Variants in GRIP2 observed in about 807,000 individuals in gnomAD.
GRIP2 encodes the protein glutamate receptor-interacting protein 2.
Under a neutral mutation model 108.3 loss-of-function variants are expected in GRIP2, and 58 were observed. The observed-to-expected ratio is 0.54, with a 90% confidence interval of 0.43 to 0.67. The LOEUF (loss-of-function observed/expected upper bound fraction) is 0.67. Ranked by LOEUF, GRIP2 falls within the 30% of genes least tolerant of loss-of-function variation. GRIP2 has a pLI of 0.00. For missense variants in GRIP2, 1,278 were observed against 1,430.6 expected, an observed-to-expected ratio of 0.89 and a Z score of 1.72; for synonymous variants, 586 against 598.2, an observed-to-expected ratio of 0.98 and a Z score of 0.30.
the GRIP2 span, among the ~76,000 whole-genome samples, chr3:14,590,134 C>T: frequency 6.6e-6 from 1 of 152,186 alleles, no homozygotes; most frequent in Admixed American, 6.5e-5. Context: ...ATTGATATTG[C>T]ATGTGGCTTT....
intron 5 of GRIP2, 150 bp downstream of exon 5, chr3:14,523,462 C>T (rs1694467663): frequency 1.6e-6 from 1 of 624,790 alleles, no homozygotes; most frequent in Non-Finnish European, 2.9e-6. Flanking sequence ...GCAGATTTTC[C>T]CACTGAATAC....
intron 10 of GRIP2, among the ~76,000 whole-genome samples, chr3:14,517,516 T>TAG (rs1694285630): frequency 7.7e-6 from 1 of 129,724 alleles, no homozygotes; most frequent in South Asian, 2.5e-4. Flanking sequence ...TTTTTTTTTT[T>TAG]TTTTAGTTGA....
chr3:14,502,240 C>T (rs1336458363), intron 21 of GRIP2, among the ~76,000 whole-genome samples: 5 of 152,116 alleles, frequency 3.3e-5, no homozygotes, highest in Non-Finnish European at 5.9e-5. Flanking sequence ...ACTCTGTAAT[C>T]CCAGCACTTT....
intron 1 of GRIP2, among the ~76,000 whole-genome samples, chr3:14,526,430 G>A (rs1036533548): frequency 6.6e-6 from 1 of 152,144 alleles, no homozygotes; most frequent in Admixed American, 6.5e-5. Context: ...AGACAGCTCT[G>A]ACCGAGACGA....
the GRIP2 span, among the ~76,000 whole-genome samples, chr3:14,585,457 C>T: frequency 1.1e-4 from 17 of 152,388 alleles, no homozygotes; most frequent in South Asian, 2.9e-3. Context: ...GCCCATTTCA[C>T]ACGTAAAGGG....
intron 1 of GRIP2, among the ~76,000 whole-genome samples, chr3:14,553,664 A>G (rs753710747): frequency 3.3e-5 from 5 of 152,210 alleles, no homozygotes; most frequent in Non-Finnish European, 5.9e-5. Context: ...CCCAGAAAAG[A>G]TGAGCAACAG....
upstream of GRIP2, among the ~76,000 whole-genome samples, chr3:14,543,071 G>GTCCACGAAGGAAAAAGCCATTGCAC (rs1695002634): frequency 6.6e-6 from 1 of 152,194 alleles, no homozygotes; most frequent in Non-Finnish European, 1.5e-5. Flanking sequence ...GAAGGAGTTT[G>GTCCACGAAGGAAAAAGCCATTGCAC]TCCACGAAGG....
chr3:14,539,682 T>C (rs1270715987), intron 1 of GRIP2, among the ~76,000 whole-genome samples: 5 of 152,254 alleles, frequency 3.3e-5, no homozygotes, highest in African/African-American at 9.6e-5. Context: ...AACAATCGTG[T>C]CTGCCCCTCC....
Position 14,511,914 on chromosome 3 carries a change from A to G in GRIP2, c.1721-435T>C, listed in dbSNP as rs1026632205. On this transcript the variant is annotated intron_variant, in intron 14 of 23. Transcript: ENST00000621039. This position sits in a 1 kb window ranked among gnomAD's most constrained non-coding sequence, Gnocchi z 4.1. ...GGGTGGGAGACACAGAAGTGAACAA[A>G]ACAGACAGCAATCTCTCCCTGCCCT... Among the ~76,000 whole-genome samples, 1 of 152,196 alleles carries G rather than the reference A, an allele frequency of 6.6e-6. No homozygotes were observed. Among genetic ancestry groups the G allele is most frequent in the Non-Finnish European group, 1.5e-5 (1 of 68,026 alleles).
intron 8 of GRIP2, 50 bp downstream of exon 8, chr3:14,520,340 C>T (rs367822596): frequency 4.6e-5 from 74 of 1,610,478 alleles, no homozygotes; most frequent in Non-Finnish European, 5.9e-5. Flanking sequence ...TCTGGGCCGC[C>T]TCTCCCCTGC....
intron 1 of GRIP2, among the ~76,000 whole-genome samples, chr3:14,535,038 A>G (rs901256230): frequency 6.1e-4 from 93 of 152,162 alleles, no homozygotes; most frequent in African/African-American, 2.1e-3. Context: ...CCACTGAGAA[A>G]ACAAATGCCC....
At chr3:14,503,542 G>A (rs746958472) in intron 21 of GRIP2, 24 bp downstream of exon 21, 1 of 1,553,546 alleles carries the variant, frequency 6.4e-7, no homozygotes, top group African/African-American at 1.4e-5. Context: ...GCCCCATGCA[G>A]GCCTGCAGGG....
In GRIP2 at chr3:14,524,477, G is replaced by T; in HGVS notation, c.319C>A (p.Leu107Ile). The T allele has an allele frequency of 6.3e-7, 1 of 1,579,398 alleles. No individual in the cohort carries two copies. Residue 107 changes from leucine to isoleucine, a missense_variant, in exon 4 of 24, where the codon CTC (leucine) becomes ATC (isoleucine). Transcript: ENST00000621039. ...AGGGTGATGATCTCATCGTGGCGGA[G>T]CCTGGTCAGGTGGATCCCGTTCACA... ...RSVNGIHLTR[L>I]RHDEIITLLK...
upstream of GRIP2, among the ~76,000 whole-genome samples, chr3:14,558,074 G>A (rs1053849450): frequency 3.3e-5 from 5 of 152,234 alleles, no homozygotes; most frequent in African/African-American, 9.7e-5. Flanking sequence ...GTGAAGGCAG[G>A]AAAGTCAGGA....
intron 1 of GRIP2, among the ~76,000 whole-genome samples, chr3:14,530,555 T>A (rs950038210): frequency 6.6e-6 from 1 of 152,208 alleles, no homozygotes; most frequent in African/African-American, 2.4e-5. Context: ...CACTGTGTAC[T>A]TGTATGAGAA....
At chr3:14,495,790 G>C (rs778685971) in intron 22 of GRIP2, among the ~76,000 whole-genome samples, 10 of 152,136 alleles carry the variant, frequency 6.6e-5, no homozygotes, top group Non-Finnish European at 4.4e-5. Flanking sequence ...GAGATACATA[G>C]ACGTCACACA....
At chr3:14,517,672 ATC>A in intron 10 of GRIP2, 98 bp downstream of exon 10, 1 of 1,465,238 alleles carries the variant, frequency 6.8e-7, no homozygotes, top group South Asian at 1.3e-5. Flanking sequence ...CAGCTCACTA[ATC>A]TCTGAGTCTG....
the GRIP2 span, among the ~76,000 whole-genome samples, chr3:14,570,458 G>A: frequency 6.6e-6 from 1 of 152,176 alleles, no homozygotes. Context: ...GGCTCAGTCA[G>A]ATTAAAAACA....
intron 1 of GRIP2, chr3:14,531,212 T>C (rs1694703026): frequency 6.6e-6 from 1 of 152,242 alleles, no homozygotes; most frequent in Non-Finnish European, 1.5e-5. Context: ...TTCTAAACTT[T>C]ATGCCTTTCA....
Sources: gnomAD v4.1 joint callset for allele counts (sites outside exome capture counted in the v4.1 genomes callset) on GRCh38, gnomAD v4.1.1 for gene constraint, Gnocchi (gnomAD v3.1) non-coding constraint, MANE v1.5 for transcripts, NCBI Gene and HGNC (gene_info 2026-07-23, HGNC 2026-07-21) for gene names.